The following CCNT2 variants were observed in gnomAD, a reference collection of about 807,000 sequenced individuals.
CCNT2 encodes cyclin T2.
CCNT2 carries 18 observed loss-of-function variants against 70.0 expected under a neutral mutation model. The observed-to-expected ratio is 0.26, with a 90% CI of 0.18 to 0.38. The LOEUF (loss-of-function observed/expected upper bound fraction) is 0.38. CCNT2 is among the 10% of genes least tolerant of loss of function. CCNT2 has a pLI of 1.00. For synonymous variants in CCNT2, 334 were observed against 313.3 expected (o/e 1.07, Z -0.70); for missense variants, 734 against 890.2 (o/e 0.82, Z 2.23).
At chr2:134,938,293 G>A (rs1055455498) in intron 3 of CCNT2, among the ~76,000 whole-genome samples, 3 of 152,132 alleles carry the variant, frequency 2.0e-5, no homozygotes, top group Non-Finnish European at 4.4e-5. Flanking sequence ...TTAGAAATAT[G>A]TCCTTACAAA....
chr2:134,937,700 G>A (rs2105051047), intron 3 of CCNT2, among the ~76,000 whole-genome samples: 1 of 152,286 alleles, frequency 6.6e-6, no homozygotes, highest in Admixed American at 6.5e-5. Context: ...CGGATCACCT[G>A]AGGTCGGGAG....
intron 3 of CCNT2, 91 bp downstream of exon 3, chr2:134,937,060 G>A (rs987457873): frequency 5.9e-6 from 5 of 844,330 alleles, no homozygotes; most frequent in South Asian, 1.8e-5. Context: ...TCAATTAGTG[G>A]TGCCTTCCAA....
chr2:134,952,088 G>A (rs762945753), intron 7 of CCNT2, among the ~76,000 whole-genome samples: 1 of 152,106 alleles, frequency 6.6e-6, no homozygotes, highest in Non-Finnish European at 1.5e-5. Context: ...GTCTTGCTTG[G>A]TGCATCATAT....
chr2:134,926,037 T>A (rs1025060180), intron 2 of CCNT2, among the ~76,000 whole-genome samples: 3 of 151,528 alleles, frequency 2.0e-5, no homozygotes, highest in East Asian at 1.9e-4. Flanking sequence ...TTAATTTTTT[T>A]AATTTTTTGT....
At chr2:134,929,613 C>G (rs1038145950) in intron 2 of CCNT2, among the ~76,000 whole-genome samples, 9 of 117,606 alleles carry the variant, frequency 7.7e-5, no homozygotes, top group Admixed American at 2.9e-4. Context: ...GTCTCAAAAA[C>G]AGAGAGAGAG....
At position 134,957,366 on chromosome 2, in the gene CCNT2, AT is replaced by A. The variant is rs1682990608; in HGVS notation, c.*2719del. On this transcript the variant is annotated 3_prime_UTR_variant, in exon 9 of 9. Transcript: ENST00000264157. ...AACATTTTTGATGAGATTTAAAAAAATATTTGAAATATTAAAAAGCATTATC... is the reference window on the plus strand; with the variant it reads ...AACATTTTTGATGAGATTTAAAAAAAATTTGAAATATTAAAAAGCATTATC... 6.6e-6 allele frequency: 1 copy of A among 152,222 alleles called. No homozygotes were observed. Among genetic ancestry groups the A allele is most frequent in the Non-Finnish European group, 1.5e-5 (1 of 68,024 alleles). 9.4% of individuals were successfully genotyped at this position (152,222 alleles called of 1,614,324 possible).
chr2:134,929,458 A>T (rs1337610618), intron 2 of CCNT2, among the ~76,000 whole-genome samples: 2 of 151,498 alleles, frequency 1.3e-5, no homozygotes, highest in African/African-American at 4.9e-5. Flanking sequence ...TTAAAAAAAA[A>T]TTAGCCCGGC....
chr2:134,947,728 T>C lies in CCNT2; in HGVS notation c.540-8T>C, dbSNP rs1312339995. The C allele has an allele frequency of 4.1e-6, 6 of 1,451,394 alleles. No individual in the cohort carries two copies. The highest frequency in any genetic ancestry group is 5.5e-6 in the Non-Finnish European group (6 of 1,081,998). 89.9% of individuals were successfully genotyped at this position (1,451,394 alleles called of 1,614,324 possible). A position where few individuals can be genotyped will look rare whatever the true frequency, so the allele number is the denominator to read the frequency against. On this transcript the variant is annotated splice_polypyrimidine_tract_variant and splice_region_variant and intron_variant, in intron 6 of 8. Transcript: ENST00000264157. ...TGGCTCTCCATTTTCAAACCTGCTC[T>C]GCAACAGTCTGCATCTTACAACCTT...
chr2:134,954,423 C>T lies in CCNT2; in HGVS notation c.1968C>T (p.Ser656=), dbSNP rs908868101. The T allele has an allele frequency of 2.5e-5, 41 of 1,613,780 alleles. No homozygotes were observed. The Admixed American group carries it at 6.8e-4, about 27-fold the overall frequency. ...CCTCCTCTGTTAAGCAGTATATATC[C>T]TCTCACAACTCTGTTTTTAACCATC... ...SSSSSVKQYI[S]SHNSVFNHPL... The change falls in exon 9 of 9, where the codon TCC becomes TCT. Residue 656 remains serine (S), a synonymous_variant. Coordinates refer to ENST00000264157, the MANE Select transcript of CCNT2 (RefSeq NM_058241.3).
intron 2 of CCNT2, among the ~76,000 whole-genome samples, chr2:134,923,005 G>A (rs1375487571): frequency 6.6e-6 from 1 of 152,146 alleles, no homozygotes; most frequent in Non-Finnish European, 1.5e-5. Context: ...GTAGGGCCTG[G>A]CATGGTAGCT....
At chr2:134,926,179 C>T (rs1276099581) in intron 2 of CCNT2, among the ~76,000 whole-genome samples, 1 of 152,148 alleles carries the variant, frequency 6.6e-6, no homozygotes, top group African/African-American at 2.4e-5. Flanking sequence ...TTAAGCACCA[C>T]TCTTCTAGTC....
intron 2 of CCNT2, 126 bp from the exon 3 acceptor site, chr2:134,936,715 C>T (rs1208972316): frequency 5.9e-6 from 4 of 678,618 alleles, no homozygotes; most frequent in Non-Finnish European, 9.4e-6. Flanking sequence ...GATCACACCA[C>T]TGCACTCCAG....
intron 3 of CCNT2, among the ~76,000 whole-genome samples, chr2:134,937,781 G>A (rs1338961010): frequency 6.6e-6 from 1 of 152,182 alleles, no homozygotes; most frequent in East Asian, 1.9e-4. Context: ...AGGCATGGTG[G>A]CACATGCCTG....
At chr2:134,924,694 C>T (rs1343869933) in intron 2 of CCNT2, among the ~76,000 whole-genome samples, 1 of 152,188 alleles carries the variant, frequency 6.6e-6, no homozygotes, top group Non-Finnish European at 1.5e-5. Context: ...GTGATTCCCC[C>T]CACCTCGACC....
At chr2:134,922,186 G>T (rs1325588845) in intron 2 of CCNT2, among the ~76,000 whole-genome samples, 1 of 151,892 alleles carries the variant, frequency 6.6e-6, no homozygotes, top group African/African-American at 2.4e-5. Flanking sequence ...ACTTTAAAAA[G>T]CGTGAATCTT....
chr2:134,930,002 GAT>G (rs1680625117), intron 2 of CCNT2, among the ~76,000 whole-genome samples: 1 of 151,820 alleles, frequency 6.6e-6, no homozygotes. Context: ...GAGAGAGAGA[GAT>G]ACAATTCATA....
chr2:134,936,745 A>G lies in CCNT2; in HGVS notation c.241-96A>G. On this transcript the variant is annotated intron_variant, in intron 2 of 8. Transcript: ENST00000264157. ...CTCCAGCCTGGGCAACAGGAGCGAAACTCCACCTCAAAAAAAAAACAGAAA... is the reference window on the plus strand; with the variant it reads ...CTCCAGCCTGGGCAACAGGAGCGAAGCTCCACCTCAAAAAAAAAACAGAAA... 4.5e-6 allele frequency: 5 copies of G among 1,121,928 alleles called. No homozygotes were observed. The South Asian group carries it at 6.2e-5, about 14-fold the overall frequency. The allele number at this position is 1,121,928 out of a possible 1,614,324, so 69.5% of individuals were successfully genotyped here.
chr2:134,926,920 T>G (rs1054827476), intron 2 of CCNT2, among the ~76,000 whole-genome samples: 2 of 152,200 alleles, frequency 1.3e-5, no homozygotes, highest in Admixed American at 6.5e-5. Context: ...TTTACCTTCA[T>G]TCAGAAGATG....
intron 4 of CCNT2, 86 bp downstream of exon 4, chr2:134,939,148 A>G (rs1681377636): frequency 1.0e-6 from 1 of 954,324 alleles, no homozygotes; most frequent in Non-Finnish European, 1.7e-6. Context: ...AAATAATTGT[A>G]TTATTGAAGA....
Sources: allele counts gnomAD v4.1 joint callset (sites outside exome capture counted in the v4.1 genomes callset), GRCh38; gene constraint gnomAD v4.1.1; transcripts MANE v1.5; gene names NCBI Gene and HGNC (gene_info 2026-07-23, HGNC 2026-07-21).